CCDC102B: variants seen among roughly 807,000 people sequenced by gnomAD.
CCDC102B encodes the protein coiled-coil domain-containing protein 102B.
Under a neutral mutation model 57.4 loss-of-function variants are expected in CCDC102B, and 75 were observed. That is an observed-to-expected ratio of 1.31 (90% confidence interval 1.08 to 1.58). CCDC102B has a LOEUF of 1.58. Among genes scored for constraint, CCDC102B ranks in the 40% most tolerant of loss-of-function variants. CCDC102B has a pLI of 0.00. For missense variants in CCDC102B, 636 were observed against 582.6 expected (o/e 1.09, Z -0.94); for synonymous variants, 206 against 201.9 (o/e 1.02, Z -0.17).
At chr18:68,794,288 G>A (rs940724657), upstream of CCDC102B, among the ~76,000 whole-genome samples, 1 of 151,864 alleles carries the variant, frequency 6.6e-6, no homozygotes, top group South Asian at 2.1e-4. Context: ...TCTTGTTCAA[G>A]GAATGAAAAA....
intron 1 of CCDC102B, among the ~76,000 whole-genome samples, chr18:68,715,764 C>T (rs1260982992): frequency 2.0e-5 from 3 of 152,090 alleles, no homozygotes; most frequent in African/African-American, 7.2e-5. Context: ...TTCTATACGA[C>T]AATGATTTGT....
At chr18:68,877,388 G>A (rs187027356) in intron 5 of CCDC102B, among the ~76,000 whole-genome samples, 2 of 152,274 alleles carry the variant, frequency 1.3e-5, no homozygotes, top group Admixed American at 6.5e-5. Context: ...AGCTACTTGC[G>A]ATCTTTAATA....
chr18:68,971,260 C>A lies in CCDC102B; in HGVS notation c.1264-39674C>A, dbSNP rs146036438. On this transcript the variant is annotated intron_variant, in intron 6 of 7. Transcript: ENST00000360242. Reference sequence around the variant, plus strand: ...TTGAAATTATATATAACCAGTAACACCTCTCCATCTTACTGTTGTTTTATG... The same window carrying A: ...TTGAAATTATATATAACCAGTAACAACTCTCCATCTTACTGTTGTTTTATG... Among the ~76,000 whole-genome samples, 588 of 151,942 alleles carry A rather than the reference C, an allele frequency of 3.9e-3. 2 individuals are homozygous for A. The highest frequency in any genetic ancestry group is 0.013 in the African/African-American group (523 of 41,464).
At chr18:69,053,068 A>G (rs1160788173) in intron 7 of CCDC102B, among the ~76,000 whole-genome samples, 5 of 151,838 alleles carry the variant, frequency 3.3e-5, no homozygotes, top group Admixed American at 2.6e-4. Context: ...GACCCAGTAT[A>G]TATGAATGTT....
At chr18:68,790,658 A>G (rs1364359268) in intron 2 of CCDC102B, among the ~76,000 whole-genome samples, 1 of 152,134 alleles carries the variant, frequency 6.6e-6, no homozygotes, top group Non-Finnish European at 1.5e-5. Flanking sequence ...TGCGCTTCCC[A>G]AGTGAGGCAA....
intron 2 of CCDC102B, among the ~76,000 whole-genome samples, chr18:68,785,167 T>C (rs1261650075): frequency 1.3e-5 from 2 of 152,018 alleles, no homozygotes; most frequent in Non-Finnish European, 2.9e-5. Context: ...TCATCCTTTT[T>C]TATGGCTGCA....
chr18:69,053,899 G>T, intron 7 of CCDC102B, 131 bp from the exon 8 acceptor site: 1 of 651,050 alleles, frequency 1.5e-6, no homozygotes, highest in Non-Finnish European at 2.5e-6. Flanking sequence ...TTATAGTTTT[G>T]TGGTGAGAAT....
chr18:68,774,147 T>C (rs2034733441), intron 2 of CCDC102B, among the ~76,000 whole-genome samples: 1 of 151,968 alleles, frequency 6.6e-6, no homozygotes, highest in African/African-American at 2.4e-5. Flanking sequence ...TCCTTTTTAA[T>C]CTTAGTATCT....
chr18:68,936,007 T>C (rs997103327), intron 6 of CCDC102B, among the ~76,000 whole-genome samples: 2 of 151,946 alleles, frequency 1.3e-5, no homozygotes, highest in African/African-American at 4.8e-5. Flanking sequence ...CTCCAAAATA[T>C]GCAGTGTTTC....
chr18:68,983,921 A>G (rs1199785585), intron 6 of CCDC102B, among the ~76,000 whole-genome samples: 1 of 151,570 alleles, frequency 6.6e-6, no homozygotes, highest in Non-Finnish European at 1.5e-5. Context: ...TACAAAAAAT[A>G]TCATCACAAT....
chr18:68,957,758 CT>C (rs1230151183), intron 6 of CCDC102B, among the ~76,000 whole-genome samples: 1 of 151,966 alleles, frequency 6.6e-6, no homozygotes, highest in Non-Finnish European at 1.5e-5. Flanking sequence ...CATGAAATAT[CT>C]TTCCATTTTT....
chr18:68,747,458 T>C (rs529448936), intron 2 of CCDC102B, among the ~76,000 whole-genome samples: 1 of 152,210 alleles, frequency 6.6e-6, no homozygotes, highest in South Asian at 2.1e-4. Flanking sequence ...GTTGTACAGA[T>C]TTCTAAAATT....
chr18:68,779,529 T>C (rs2034935519), intron 2 of CCDC102B, among the ~76,000 whole-genome samples: 1 of 147,472 alleles, frequency 6.8e-6, no homozygotes, highest in South Asian at 2.3e-4. Flanking sequence ...TTCAATAATG[T>C]ACATCACATG....
chr18:68,749,666 G>A (rs2033769304), intron 2 of CCDC102B, among the ~76,000 whole-genome samples: 1 of 152,138 alleles, frequency 6.6e-6, no homozygotes, highest in Admixed American at 6.6e-5. Context: ...CCACCTTAAG[G>A]GGGTTTTGGG....
intron 4 of CCDC102B, among the ~76,000 whole-genome samples, chr18:68,874,322 G>A (rs532561978): frequency 9.9e-5 from 15 of 151,770 alleles, no homozygotes; most frequent in Middle Eastern, 3.4e-3. Context: ...GAATACTGAG[G>A]TACTAATATT....
At position 69,010,016 on chromosome 18, in the gene CCDC102B, C is replaced by G. The variant is rs551854664; in HGVS notation, c.1264-918C>G. On this transcript the variant is annotated intron_variant, in intron 6 of 7. Coordinates refer to ENST00000360242, the MANE Select transcript of CCDC102B (RefSeq NM_024781.3). ...GCGCTATCTCGGCTCACTGCAAGCT[C>G]CAGCTCCCGGGTTCACGCCATTTTC... Among the ~76,000 whole-genome samples, 77 of 136,166 alleles carry G rather than the reference C, an allele frequency of 5.7e-4. 1 individual carries two copies. The highest frequency in any genetic ancestry group is 2.0e-3 in the African/African-American group (74 of 37,602). The allele number at this position is 136,166 out of a possible 152,430, so 89.3% of individuals were successfully genotyped here. A position where few individuals can be genotyped will look rare whatever the true frequency, so the allele number is the denominator to read the frequency against.
At chr18:68,979,351 T>C (rs17080017) in intron 6 of CCDC102B, among the ~76,000 whole-genome samples, 3,902 of 152,104 alleles carry the variant, frequency 0.026, 111 homozygotes, top group East Asian at 0.12. Context: ...TTCAGTCTAG[T>C]AATTCTGGAA....
intron 5 of CCDC102B, among the ~76,000 whole-genome samples, chr18:68,891,250 G>T (rs899976796): frequency 3.3e-5 from 5 of 152,102 alleles, no homozygotes; most frequent in African/African-American, 1.2e-4. Context: ...CTATCCCACT[G>T]GATATTAAAT....
intron 2 of CCDC102B, among the ~76,000 whole-genome samples, chr18:68,726,083 A>G (rs1193090141): frequency 6.6e-6 from 1 of 152,250 alleles, no homozygotes; most frequent in Non-Finnish European, 1.5e-5. Context: ...TGGAAGAAGG[A>G]TAAACATTAA....
Sources: allele counts gnomAD v4.1 joint callset (sites outside exome capture counted in the v4.1 genomes callset), GRCh38; gene constraint gnomAD v4.1.1; transcripts MANE v1.5; gene names NCBI Gene and HGNC (gene_info 2026-07-23, HGNC 2026-07-21).